Variants in PRKD2 observed in about 807,000 individuals in gnomAD.
PRKD2 encodes serine/threonine-protein kinase D2.
Under a neutral mutation model 86.0 loss-of-function variants are expected in PRKD2, and 22 were observed. The ratio of observed to expected loss-of-function variants is 0.26; its 90% CI spans 0.18 to 0.37. The LOEUF (loss-of-function observed/expected upper bound fraction) is 0.37, where lower values mean the gene tolerates loss of function less well. Among genes scored for constraint, PRKD2 ranks in the 10% least tolerant of loss-of-function variants. PRKD2 has a pLI of 1.00. For synonymous variants in PRKD2, 509 were observed against 510.9 expected (o/e 1.00, Z 0.05); for missense variants, 818 against 1,199.2 (o/e 0.68, Z 4.70).
chr19:46,700,870 G>A lies in PRKD2; in HGVS notation c.1050C>T (p.Ile350=), dbSNP rs55786927. The change falls in exon 7 of 18, where the codon ATC becomes ATT. Residue 350 remains isoleucine (I), a synonymous_variant. Transcript: ENST00000291281. ...LMDESEDSGV[I]PGSHSENALH... Reference sequence around the variant, plus strand: ...GCGCATTCTCTGAGTGGGAGCCAGGGATGACACCGGAGTCCTCTGACTCAT... The same window carrying A: ...GCGCATTCTCTGAGTGGGAGCCAGGAATGACACCGGAGTCCTCTGACTCAT... The A allele has an allele frequency of 6.3e-4, 1,022 of 1,614,268 alleles. 8 individuals carry two copies. In the African/African-American group the frequency reaches 0.011, roughly 18 times the overall value.
chr19:46,690,211 C>A (rs181591654), intron 13 of PRKD2, among the ~76,000 whole-genome samples: 64 of 152,118 alleles, frequency 4.2e-4, no homozygotes, highest in Non-Finnish European at 8.5e-4. Context: ...CACCCAGATC[C>A]CCACTCAGCC....
chr19:46,705,313 T>C (rs1013632734), intron 3 of PRKD2, among the ~76,000 whole-genome samples: 1 of 151,894 alleles, frequency 6.6e-6, no homozygotes, highest in East Asian at 1.9e-4. Flanking sequence ...CTGACCTTCC[T>C]TTTTCTGAGG....
rs2053884734 is a variant in PRKD2, at chr19:46,716,591, CAGA to C, written c.-224_-222del. On this transcript the variant is annotated 5_prime_UTR_variant, in exon 1 of 18. Transcript: ENST00000291281. This position sits in a 1 kb window ranked among gnomAD's most constrained non-coding sequence, Gnocchi z 7.9. ...TCAGAGGCCCGGAATCCAGGGCTCC[CAGA>C]AGATCAGAAAGGAGAAAAGTAGTGG... 5.0e-6 allele frequency: 2 copies of C among 402,960 alleles called. No homozygotes were observed. The highest frequency in any genetic ancestry group is 3.7e-5 in the East Asian group (1 of 26,868). 25.0% of individuals were successfully genotyped at this position (402,960 alleles called of 1,614,324 possible).
Position 46,713,915 on chromosome 19 carries a change from C to T in PRKD2, c.327G>A (p.Val109=), listed in dbSNP as rs774139492. 3.7e-6 allele frequency: 6 copies of T among 1,613,284 alleles called. No individual in the cohort carries two copies. The South Asian group carries it at 6.6e-5, about 18-fold the overall frequency. The stretch of plus-strand genomic sequence containing the variant: ...CCTCCTGGATGTCTCCGGACGAGCG[C>T]ACCAGCTGCAGGAGGTTGGCCGACG... ...DPTSANLLQL[V]RSSGDIQEGD... Residue 109 remains valine (V), a synonymous_variant, in exon 2 of 18, where the codon GTG becomes GTA. Transcript: ENST00000291281.
At chr19:46,707,046 A>C (rs1265345655) in intron 3 of PRKD2, among the ~76,000 whole-genome samples, 1 of 151,942 alleles carries the variant, frequency 6.6e-6, no homozygotes, top group Non-Finnish European at 1.5e-5. Flanking sequence ...GGTACCCGCC[A>C]CCACACCCAG....
chr19:46,702,445 G>A (rs566262636), intron 5 of PRKD2, among the ~76,000 whole-genome samples: 1 of 152,130 alleles, frequency 6.6e-6, no homozygotes, highest in Non-Finnish European at 1.5e-5. Flanking sequence ...AGATTTTAGG[G>A]TGTTATATAT....
At chr19:46,696,461 T>C (rs1352353083) in intron 9 of PRKD2, among the ~76,000 whole-genome samples, 1 of 151,992 alleles carries the variant, frequency 6.6e-6, no homozygotes, top group East Asian at 1.9e-4. Flanking sequence ...AATACATTAA[T>C]TATAAAGAAA....
Position 46,693,821 on chromosome 19 carries a change from G to T in PRKD2, c.1576+54C>A. On this transcript the variant is annotated intron_variant, in intron 10 of 17. Coordinates refer to ENST00000291281, the MANE Select transcript of PRKD2 (RefSeq NM_016457.5). The surrounding 1 kb of genome is among the most constrained non-coding windows in gnomAD (Gnocchi z 4.5). Reference sequence around the variant, plus strand: ...TTTGGCCCTTCCATTCCCCAGAACCGTGCCCCACCCATCTAGATCTATTCT... The same window carrying T: ...TTTGGCCCTTCCATTCCCCAGAACCTTGCCCCACCCATCTAGATCTATTCT... 1 of 1,534,626 alleles carries T rather than the reference G, an allele frequency of 6.5e-7. No individual in the cohort carries two copies. Among genetic ancestry groups the T allele is most frequent in the Non-Finnish European group, 8.7e-7 (1 of 1,143,086 alleles).
In PRKD2 at chr19:46,714,137, C is replaced by A. The variant is rs191184418; in HGVS notation, c.241-136G>T. The A allele has an allele frequency of 5.5e-4, 767 of 1,393,874 alleles. 6 individuals are homozygous for A. The African/African-American group carries it at 1.0e-2, about 18-fold the overall frequency. 86.3% of individuals were successfully genotyped at this position (1,393,874 alleles called of 1,614,324 possible). ...AGACCCCGCAGGCCCTCGCTTCCTG[C>A]CTGCCCCCTCCCAACCCCAGCGCGA... On this transcript the variant is annotated intron_variant, in intron 1 of 17. Coordinates refer to ENST00000291281, the MANE Select transcript of PRKD2 (RefSeq NM_016457.5).
chr19:46,703,567 C>T (rs1045280336), intron 5 of PRKD2, among the ~76,000 whole-genome samples: 3 of 151,870 alleles, frequency 2.0e-5, no homozygotes, highest in Non-Finnish European at 4.4e-5. Flanking sequence ...GTCAGGAGAT[C>T]GAGACCATCC....
chr19:46,699,447 C>T (rs945709960), intron 7 of PRKD2, among the ~76,000 whole-genome samples: 2 of 152,340 alleles, frequency 1.3e-5, no homozygotes, highest in Admixed American at 1.3e-4. Context: ...AGCAGGTGCT[C>T]ATTAAATATT....
At position 46,693,173 on chromosome 19, in the gene PRKD2, C is replaced by T. The variant is rs1283464998; in HGVS notation, c.1576+702G>A. On this transcript the variant is annotated intron_variant, in intron 10 of 17. Coordinates refer to ENST00000291281, the MANE Select transcript of PRKD2 (RefSeq NM_016457.5). The surrounding 1 kb of genome is among the most constrained non-coding windows in gnomAD (Gnocchi z 4.5). ...GTACCCCTCTGGGCTCCTCTAGCTC[C>T]CTAGCTTCCTTGTCCCAACCCTGCC... is the stretch of plus-strand genomic sequence containing the variant. 6.6e-6 allele frequency among the ~76,000 whole-genome samples: 1 copy of T among 152,196 alleles called. No homozygotes were observed. The highest frequency in any genetic ancestry group is 2.4e-5 in the African/African-American group (1 of 41,438).
intron 3 of PRKD2, among the ~76,000 whole-genome samples, chr19:46,708,169 T>C (rs923103294): frequency 3.3e-5 from 5 of 152,056 alleles, no homozygotes; most frequent in Admixed American, 2.0e-4. Flanking sequence ...ATGGACTAAA[T>C]GTCTGTGTCT....
chr19:46,712,252 A>G (rs1350242692), intron 2 of PRKD2, among the ~76,000 whole-genome samples: 1 of 151,006 alleles, frequency 6.6e-6, no homozygotes, highest in Non-Finnish European at 1.5e-5. Flanking sequence ...TCAAAACAAA[A>G]TAACAGGGCC....
chr19:46,682,135 T>A (rs1330181241), intron 14 of PRKD2, among the ~76,000 whole-genome samples: 8 of 151,950 alleles, frequency 5.3e-5, no homozygotes, highest in Non-Finnish European at 1.2e-4. Context: ...GCCTCCCGAG[T>A]AGCTGGGATT....
intron 2 of PRKD2, 35 bp from the exon 3 acceptor site, chr19:46,711,073 G>T: frequency 6.4e-7 from 1 of 1,551,118 alleles, no homozygotes; most frequent in Non-Finnish European, 8.7e-7. Flanking sequence ...TGCTTGAGGC[G>T]GGGTAGGCCA....
chr19:46,681,822 C>T (rs1024700319), intron 14 of PRKD2, 74 bp from the exon 15 acceptor site: 1 of 920,228 alleles, frequency 1.1e-6, no homozygotes, highest in African/African-American at 1.7e-5. Flanking sequence ...GCAGCCAGCC[C>T]TCCAAACCCA....
rs752682165 is a variant in PRKD2, at chr19:46,716,637, T to C, written c.-267A>G. The C allele has an allele frequency of 3.0e-6, 1 of 330,242 alleles. No individual in the cohort carries two copies. The highest frequency in any genetic ancestry group is 2.1e-5 in the African/African-American group (1 of 46,516). 20.5% of individuals were successfully genotyped at this position (330,242 alleles called of 1,614,324 possible). A position where few individuals can be genotyped will look rare whatever the true frequency, so the allele number is the denominator to read the frequency against. On this transcript the variant is annotated 5_prime_UTR_variant, in exon 1 of 18. Transcript: ENST00000291281. The surrounding 1 kb of genome is among the most constrained non-coding windows in gnomAD (Gnocchi z 7.9). ...AGTAGTGGGTTGGAGGTCCCAGCGA[T>C]TGAGATTCCAAGAAGCCTGAGAGGA... is the stretch of plus-strand genomic sequence containing the variant.
chr19:46,692,637 G>A (rs2122674230), intron 10 of PRKD2, among the ~76,000 whole-genome samples: 1 of 151,884 alleles, frequency 6.6e-6, no homozygotes, highest in Non-Finnish European at 1.5e-5. Flanking sequence ...TGGCTCCCCA[G>A]TGCCCTCAGG....
Sources: gnomAD v4.1 joint callset for allele counts (sites outside exome capture counted in the v4.1 genomes callset) on GRCh38, gnomAD v4.1.1 for gene constraint, Gnocchi (gnomAD v3.1) non-coding constraint, MANE v1.5 for transcripts, NCBI Gene and HGNC (gene_info 2026-07-23, HGNC 2026-07-21) for gene names.